The following DUSP22 variants were observed in gnomAD, a reference collection of about 807,000 sequenced individuals.
The protein encoded by DUSP22 is dual specificity phosphatase 22.
DUSP22 carries 24 observed loss-of-function variants against 24.5 expected under a neutral mutation model. The observed-to-expected ratio is 0.98, with a 90% CI of 0.71 to 1.38. The LOEUF (loss-of-function observed/expected upper bound fraction) is 1.38, where lower values mean the gene tolerates loss of function less well. DUSP22 is among the 40% of genes most tolerant of loss of function. The pLI is 0.00. For missense variants in DUSP22, 330 were observed against 269.2 expected, an observed-to-expected ratio of 1.23 and a Z score of -1.58; for synonymous variants, 160 against 106.4, an observed-to-expected ratio of 1.50 and a Z score of -3.10.
rs1757834674 is a variant in DUSP22, at chr6:306,880, G to GTCC, written c.55+2219_55+2220insTCC. ...GTTACACACCTGGGGGTGTAGACTG[G>GTCC]GAAGATGGAGTCTGTCTCACAGGGC... On this transcript the variant is annotated intron_variant, in intron 2 of 6. Coordinates refer to ENST00000419235, the MANE Select transcript of DUSP22 (RefSeq NM_001286555.3). Among the ~76,000 whole-genome samples the GTCC allele has an allele frequency of 5.9e-5, 9 of 152,420 alleles. No homozygotes were observed. The South Asian group carries it at 1.9e-3, about 32-fold the overall frequency.
chr6:329,698 T>C (rs1450183619), intron 3 of DUSP22, among the ~76,000 whole-genome samples: 2 of 152,306 alleles, frequency 1.3e-5, no homozygotes, highest in East Asian at 3.8e-4. Context: ...GTGGCTCACC[T>C]GCCTTGCCCT....
chr6:309,164 G>A (rs1757954574), intron 2 of DUSP22, among the ~76,000 whole-genome samples: 1 of 152,306 alleles, frequency 6.6e-6, no homozygotes. Context: ...GGGGTTGGCA[G>A]TGAGTCCCCA....
At position 351,000 on chromosome 6, in the gene DUSP22, A is replaced by T. The variant is rs1325022589; in HGVS notation, c.*2049A>T. ...GTTTTTCATTTGAAGCTGAATATATACGTAGTCATGTTTATGTTGAGAACT... is the reference window on the plus strand; with the variant it reads ...GTTTTTCATTTGAAGCTGAATATATTCGTAGTCATGTTTATGTTGAGAACT... On this transcript the variant is annotated 3_prime_UTR_variant, in exon 7 of 7. Transcript: ENST00000419235. 3 of 1,283,152 alleles carry T rather than the reference A, an allele frequency of 2.3e-6. No homozygotes were observed. Among genetic ancestry groups the T allele is most frequent in the Non-Finnish European group, 3.3e-6 (3 of 896,908 alleles). 79.5% of individuals were successfully genotyped at this position (1,283,152 alleles called of 1,614,324 possible).
At chr6:317,934 A>G (rs1411679988) in intron 3 of DUSP22, among the ~76,000 whole-genome samples, 2 of 152,300 alleles carry the variant, frequency 1.3e-5, no homozygotes, top group South Asian at 4.1e-4. Flanking sequence ...GTGGCTCATT[A>G]GGATGTGAAA....
At chr6:346,029 T>G in intron 5 of DUSP22, 101 bp downstream of exon 5, 1 of 1,434,492 alleles carries the variant, frequency 7.0e-7, no homozygotes, top group Non-Finnish European at 9.7e-7. Flanking sequence ...CACCTCCTAA[T>G]AGTTTTCTGT....
Position 309,271 on chromosome 6 carries a change from A to T in DUSP22, c.56-2609A>T, listed in dbSNP as rs112817700. 1.6e-4 allele frequency among the ~76,000 whole-genome samples: 25 copies of T among 152,374 alleles called. No individual in the cohort carries two copies. The East Asian group carries it at 4.8e-3, about 29-fold the overall frequency. On this transcript the variant is annotated intron_variant, in intron 2 of 6. Transcript: ENST00000419235. Reference sequence around the variant, plus strand: ...TGAGAGGACACTGCTATTATATTATAGACGCCTTTCTGAGCCTGATAACTT... The same window carrying T: ...TGAGAGGACACTGCTATTATATTATTGACGCCTTTCTGAGCCTGATAACTT...
At chr6:313,723 T>C (rs1758212417) in intron 3 of DUSP22, among the ~76,000 whole-genome samples, 1 of 152,308 alleles carries the variant, frequency 6.6e-6, no homozygotes, top group Non-Finnish European at 1.5e-5. Context: ...GTTATGCCAC[T>C]GTTTTGTAGC....
intron 1 of DUSP22, among the ~76,000 whole-genome samples, chr6:294,825 G>A (rs1479452592): frequency 5.9e-5 from 9 of 152,418 alleles, no homozygotes; most frequent in African/African-American, 2.2e-4. Flanking sequence ...AGGAGTAGAG[G>A]CTCCAGAGGA....
At position 349,228 on chromosome 6, in the gene DUSP22, T is replaced by C; in HGVS notation, c.*277T>C. The C allele has an allele frequency of 7.3e-7, 1 of 1,377,450 alleles. No homozygotes were observed. The allele number at this position is 1,377,450 out of a possible 1,614,324, so 85.3% of individuals were successfully genotyped here. ...ACGTGCGTGTGTGTGAGTGCACTTG[T>C]GTGTGGGTGACTAAGTGGATGCATG... On this transcript the variant is annotated 3_prime_UTR_variant, in exon 7 of 7. Transcript: ENST00000419235.
intron 4 of DUSP22, among the ~76,000 whole-genome samples, chr6:345,636 G>C (rs111878679): frequency 2.0e-5 from 3 of 152,298 alleles, no homozygotes. Context: ...TGTTTAAAGT[G>C]ATTAAGCATT....
rs1317243353 is a variant in DUSP22 at position 348,560 on chromosome 6, T to A, written c.436-209T>A. On this transcript the variant is annotated intron_variant, in intron 6 of 6. Coordinates refer to ENST00000419235, the MANE Select transcript of DUSP22 (RefSeq NM_001286555.3). ...GTACCATTTCCTTGGTCTGGCCTAT[T>A]TTCATGTCCTAGGCCAGCACCTTGA... The A allele has an allele frequency of 3.2e-6, 3 of 946,172 alleles. No homozygotes were observed. In the East Asian group the frequency reaches 7.9e-5, roughly 25 times the overall value. The allele number at this position is 946,172 out of a possible 1,614,324, so 58.6% of individuals were successfully genotyped here.
rs1398933716 is a variant in DUSP22, at chr6:350,554, C to A, written c.*1603C>A. On this transcript the variant is annotated 3_prime_UTR_variant, in exon 7 of 7. Coordinates refer to ENST00000419235, the MANE Select transcript of DUSP22 (RefSeq NM_001286555.3). ...TTGGGGACCGGGAAAAACAAAGTTG[C>A]CTGATTCCGCGCAGGTGCACAGGCC... 5.1e-6 allele frequency: 7 copies of A among 1,361,378 alleles called. No individual in the cohort carries two copies. The Admixed American group carries it at 2.3e-4, about 44-fold the overall frequency. 84.3% of individuals were successfully genotyped at this position (1,361,378 alleles called of 1,614,324 possible). A position where few individuals can be genotyped will look rare whatever the true frequency, so the allele number is the denominator to read the frequency against.
At chr6:318,480 C>T (rs1758432328) in intron 3 of DUSP22, among the ~76,000 whole-genome samples, 1 of 152,308 alleles carries the variant, frequency 6.6e-6, no homozygotes, top group Admixed American at 6.5e-5. Flanking sequence ...TGCAGGCCAT[C>T]ACCTCCAGCC....
At position 336,058 on chromosome 6, in the gene DUSP22, A is replaced by G. The variant is rs536580054; in HGVS notation, c.188+895A>G. ...GACCCGTGGCAGCTACAGCTTTAGC[A>G]GTCCGTCTTGGCTGTATAGAAGGGA... is the stretch of plus-strand genomic sequence containing the variant. On this transcript the variant is annotated intron_variant, in intron 4 of 6. Coordinates refer to ENST00000419235, the MANE Select transcript of DUSP22 (RefSeq NM_001286555.3). Among the ~76,000 whole-genome samples the G allele has an allele frequency of 3.9e-5, 6 of 152,420 alleles. No homozygotes were observed. The South Asian group carries it at 6.2e-4, about 16-fold the overall frequency.
chr6:345,848 TCCCAG>T lies in DUSP22; in HGVS notation c.189-5_189-1del. ...AGATGTCATTTCTCTTTTTTTCTTT[TCCCAG>T]GACAAGACATTTCAAAGAAAGTATT... On this transcript the variant is annotated splice_acceptor_variant and splice_polypyrimidine_tract_variant and intron_variant, in intron 4 of 6. Transcript: ENST00000419235. LOFTEE classifies it high-confidence loss of function. 6.2e-7 allele frequency: 1 copy of T among 1,614,134 alleles called. No individual in the cohort carries two copies. Among genetic ancestry groups the T allele is most frequent in the Non-Finnish European group, 8.5e-7 (1 of 1,179,976 alleles).
At chr6:312,687 C>T (rs893067155) in intron 3 of DUSP22, among the ~76,000 whole-genome samples, 1 of 152,284 alleles carries the variant, frequency 6.6e-6, no homozygotes, top group Non-Finnish European at 1.5e-5. Context: ...GGAGGGGTGG[C>T]TTGTTCTGAA....
intron 3 of DUSP22, among the ~76,000 whole-genome samples, chr6:329,962 G>C (rs1245258601): frequency 1.3e-5 from 2 of 152,250 alleles, no homozygotes; most frequent in Non-Finnish European, 2.9e-5. Flanking sequence ...TGTGGTGAAA[G>C]TCGCTCTTGA....
chr6:324,957 G>A (rs567970664), intron 3 of DUSP22, among the ~76,000 whole-genome samples: 2 of 152,428 alleles, frequency 1.3e-5, no homozygotes, highest in African/African-American at 4.8e-5. Flanking sequence ...AGGGAGCTGT[G>A]TTTAAGGCAG....
At chr6:308,850 A>G (rs920998966) in intron 2 of DUSP22, among the ~76,000 whole-genome samples, 1 of 152,422 alleles carries the variant, frequency 6.6e-6, no homozygotes, top group African/African-American at 2.4e-5. Context: ...GATGGTTGAC[A>G]TTCAAATGCC....
Sources: allele counts gnomAD v4.1 joint callset (sites outside exome capture counted in the v4.1 genomes callset), GRCh38; gene constraint gnomAD v4.1.1; transcripts MANE v1.5; gene names NCBI Gene and HGNC (gene_info 2026-07-23, HGNC 2026-07-21).